NXPH1: variants seen among roughly 807,000 people sequenced by gnomAD.
NXPH1 encodes the protein neurexophilin-1.
NXPH1 carries 5 observed loss-of-function variants against 23.7 expected under a neutral mutation model. The ratio of observed to expected loss-of-function variants is 0.21; its 90% CI spans 0.11 to 0.44. The LOEUF is 0.44. Among genes scored for constraint, NXPH1 ranks in the 20% least tolerant of loss-of-function variants. NXPH1 has a pLI of 0.99. For synonymous variants in NXPH1, 144 were observed against 122.2 expected (o/e 1.18, Z -1.18); for missense variants, 324 against 321.6 (o/e 1.01, Z -0.06).
At chr7:8,605,504 C>G (rs141335441) in intron 2 of NXPH1, among the ~76,000 whole-genome samples, 1 of 152,126 alleles carries the variant, frequency 6.6e-6, no homozygotes, top group African/African-American at 2.4e-5. Context: ...AGCAACATTA[C>G]TTGTCACAGA....
intron 2 of NXPH1, among the ~76,000 whole-genome samples, chr7:8,574,763 A>G (rs192317595): frequency 6.6e-6 from 1 of 152,246 alleles, no homozygotes; most frequent in East Asian, 1.9e-4. Context: ...TCCCTTCTCA[A>G]TTCGAAAGGG....
intron 2 of NXPH1, among the ~76,000 whole-genome samples, chr7:8,513,407 C>G (rs1817640367): frequency 6.6e-6 from 1 of 152,108 alleles, no homozygotes; most frequent in South Asian, 2.1e-4. Context: ...TGTTGTGAGG[C>G]TACATGTAGT....
At chr7:8,500,670 C>T in intron 2 of NXPH1, among the ~76,000 whole-genome samples, 1 of 152,090 alleles carries the variant, frequency 6.6e-6, no homozygotes, top group Non-Finnish European at 1.5e-5. Flanking sequence ...TTGAAAGGAG[C>T]TTGTTTCTTA....
rs1816249799 is a variant in NXPH1, at chr7:8,439,254, GA to G, written c.54+3492del. 2.6e-5 allele frequency among the ~76,000 whole-genome samples: 4 copies of G among 152,264 alleles called. No homozygotes were observed. The South Asian group carries it at 8.3e-4, about 32-fold the overall frequency. On this transcript the variant is annotated intron_variant, in intron 2 of 2. Coordinates refer to ENST00000405863, the MANE Select transcript of NXPH1 (RefSeq NM_152745.3). ...ATTGAAGCATATATTGAATCAGCTA[GA>G]AAAATATGGTTCCTTGCTCTGAAGA...
intron 2 of NXPH1, among the ~76,000 whole-genome samples, chr7:8,598,885 G>A (rs901499532): frequency 2.6e-5 from 4 of 152,076 alleles, no homozygotes; most frequent in African/African-American, 9.7e-5. Context: ...GCCTGCTGTA[G>A]GCTCTGGGAT....
chr7:8,465,987 G>C (rs1416523570), intron 2 of NXPH1, among the ~76,000 whole-genome samples: 2 of 152,176 alleles, frequency 1.3e-5, no homozygotes, highest in Non-Finnish European at 2.9e-5. Flanking sequence ...TTCTTAGGTG[G>C]TTGGGGGAAT....
intron 2 of NXPH1, among the ~76,000 whole-genome samples, chr7:8,597,561 G>C (rs1583181442): frequency 6.6e-6 from 1 of 152,186 alleles, no homozygotes; most frequent in Admixed American, 6.5e-5. Flanking sequence ...TATGGGGACA[G>C]ATACTCAGAG....
intron 2 of NXPH1, among the ~76,000 whole-genome samples, chr7:8,693,186 A>G (rs573820893): frequency 6.6e-6 from 1 of 152,174 alleles, no homozygotes; most frequent in Admixed American, 6.5e-5. Flanking sequence ...CAAAACAAAA[A>G]CAAAAACAAA....
intron 2 of NXPH1, among the ~76,000 whole-genome samples, chr7:8,484,716 G>A (rs554559593): frequency 9.8e-4 from 149 of 152,248 alleles, no homozygotes; most frequent in African/African-American, 3.3e-3. Context: ...GAAAATGGAC[G>A]TATGTAGGTG....
chr7:8,492,762 G>A (rs1002323460), intron 2 of NXPH1, among the ~76,000 whole-genome samples: 1 of 151,970 alleles, frequency 6.6e-6, no homozygotes. Context: ...GGTGGAGGGA[G>A]CACTTAGAAC....
chr7:8,442,471 C>T lies in NXPH1; in HGVS notation c.54+6704C>T, dbSNP rs1816319985. Among the ~76,000 whole-genome samples, 1 of 152,168 alleles carries T rather than the reference C, an allele frequency of 6.6e-6. No homozygotes were observed. Among genetic ancestry groups the T allele is most frequent in the African/African-American group, 2.4e-5 (1 of 41,426 alleles). ...GCTAAGGGCGCAGGGGGAGGCCGCG[C>T]GTCCTCGCCACACCGGAAGGAGAGG... is the stretch of plus-strand genomic sequence containing the variant. On this transcript the variant is annotated intron_variant, in intron 2 of 2. Coordinates refer to ENST00000405863, the MANE Select transcript of NXPH1 (RefSeq NM_152745.3). This position sits in a 1 kb window ranked among gnomAD's most constrained non-coding sequence, Gnocchi z 4.6.
intron 2 of NXPH1, among the ~76,000 whole-genome samples, chr7:8,546,860 A>G (rs1198256469): frequency 6.6e-6 from 1 of 151,414 alleles, no homozygotes; most frequent in African/African-American, 2.4e-5. Context: ...CAACCACAAG[A>G]ACAGTAATAT....
At chr7:8,683,879 G>C (rs1821098166) in intron 2 of NXPH1, among the ~76,000 whole-genome samples, 1 of 152,080 alleles carries the variant, frequency 6.6e-6, no homozygotes, top group East Asian at 1.9e-4. Flanking sequence ...TGCCCAGGAA[G>C]CTAGAGACAT....
chr7:8,602,746 A>T (rs1486547068), intron 2 of NXPH1, among the ~76,000 whole-genome samples: 1 of 152,162 alleles, frequency 6.6e-6, no homozygotes, highest in Non-Finnish European at 1.5e-5. Context: ...TTATCTGTAT[A>T]AAGGCAGGGT....
intron 2 of NXPH1, among the ~76,000 whole-genome samples, chr7:8,556,506 T>C (rs1818360584): frequency 1.3e-5 from 2 of 151,684 alleles, no homozygotes; most frequent in African/African-American, 4.8e-5. Flanking sequence ...AGGTTACTTG[T>C]GCTTTCTTAC....
intron 2 of NXPH1, among the ~76,000 whole-genome samples, chr7:8,741,254 G>C (rs1030663156): frequency 4.6e-5 from 7 of 152,092 alleles, no homozygotes; most frequent in African/African-American, 1.7e-4. Flanking sequence ...CATCCATTAT[G>C]CATATTTCTC....
chr7:8,749,469 T>A (rs1338454036), intron 2 of NXPH1, among the ~76,000 whole-genome samples: 1 of 152,166 alleles, frequency 6.6e-6, no homozygotes. Context: ...AAAATGCTAT[T>A]TTCAGGTCAC....
At chr7:8,474,297 C>T (rs1029523) in intron 2 of NXPH1, among the ~76,000 whole-genome samples, 56,601 of 151,878 alleles carry the variant, frequency 0.37, 11,042 homozygotes, top group East Asian at 0.61. Flanking sequence ...CAGTTTCTAT[C>T]AAATGGGTGC....
At chr7:8,620,629 G>A (rs1217206669) in intron 2 of NXPH1, among the ~76,000 whole-genome samples, 1 of 152,222 alleles carries the variant, frequency 6.6e-6, no homozygotes, top group Admixed American at 6.5e-5. Flanking sequence ...GGAGATCTGA[G>A]AGAGAAACTG....
Sources: gnomAD v4.1 joint callset for allele counts (sites outside exome capture counted in the v4.1 genomes callset) on GRCh38, gnomAD v4.1.1 for gene constraint, Gnocchi (gnomAD v3.1) non-coding constraint, MANE v1.5 for transcripts, NCBI Gene and HGNC (gene_info 2026-07-23, HGNC 2026-07-21) for gene names.